Variants in RBFOX1 observed in about 807,000 individuals in gnomAD.
The protein encoded by RBFOX1 is RNA binding protein fox-1 homolog 1.
A neutral mutation model predicts 57.7 loss-of-function variants in RBFOX1; 8 were observed. The observed-to-expected ratio is 0.14, with a 90% CI of 0.08 to 0.25. RBFOX1 has a LOEUF of 0.25. RBFOX1 is among the 10% of genes least tolerant of loss of function. The pLI, the probability that RBFOX1 is intolerant of heterozygous loss-of-function variation, is 1.00. For missense variants in RBFOX1, 611 were observed against 548.5 expected (o/e 1.11, Z -1.14); for synonymous variants, 326 against 222.4 (o/e 1.47, Z -4.15).
intron 4 of RBFOX1, among the ~76,000 whole-genome samples, chr16:5,949,101 C>G (rs73516248): frequency 0.02 from 3,099 of 152,202 alleles, 90 homozygotes; most frequent in African/African-American, 0.07. Flanking sequence ...TCCTCCCCAA[C>G]TACTAGAGTC....
intron 3 of RBFOX1, among the ~76,000 whole-genome samples, chr16:5,618,106 T>A (rs561562093): frequency 5.3e-5 from 8 of 152,308 alleles, no homozygotes; most frequent in Admixed American, 3.9e-4. Flanking sequence ...CAGATCATGA[T>A]GTAAAGTATT....
chr16:6,267,565 T>C (rs186595832), intron 1 of RBFOX1, among the ~76,000 whole-genome samples: 234 of 152,326 alleles, frequency 1.5e-3, no homozygotes, highest in Middle Eastern at 3.4e-3. Context: ...TAGAGTCTTA[T>C]CTGACAGATT....
intron 13 of RBFOX1, among the ~76,000 whole-genome samples, chr16:7,668,167 C>A (rs961099709): frequency 6.6e-5 from 10 of 152,116 alleles, no homozygotes; most frequent in African/African-American, 2.4e-4. Context: ...CCTGCTCTCT[C>A]CCCTCCCCCG....
intron 4 of RBFOX1, among the ~76,000 whole-genome samples, chr16:5,990,093 C>G (rs112650866): frequency 3.9e-5 from 6 of 152,280 alleles, no homozygotes; most frequent in African/African-American, 7.2e-5. Flanking sequence ...TCAAGCAATC[C>G]TTGCTCCTCA....
At chr16:5,413,296 C>G (rs998828967) in intron 1 of RBFOX1, among the ~76,000 whole-genome samples, 13 of 152,168 alleles carry the variant, frequency 8.5e-5, no homozygotes, top group Non-Finnish European at 1.8e-4. Flanking sequence ...CAGAGAGCAC[C>G]ATGGCCCTTT....
chr16:5,550,692 G>A (rs975342777), intron 2 of RBFOX1, among the ~76,000 whole-genome samples: 1 of 152,108 alleles, frequency 6.6e-6, no homozygotes, highest in African/African-American at 2.4e-5. Context: ...AAAGCTCCCT[G>A]TCCCTGTGGC....
intron 4 of RBFOX1, among the ~76,000 whole-genome samples, chr16:7,090,009 G>A (rs930109039): frequency 6.6e-6 from 1 of 151,978 alleles, no homozygotes; most frequent in Non-Finnish European, 1.5e-5. Flanking sequence ...CTGTGAGGTT[G>A]GAGGGGTTTT....
intron 4 of RBFOX1, among the ~76,000 whole-genome samples, chr16:7,195,648 C>T (rs1172530070): frequency 6.6e-6 from 1 of 152,160 alleles, no homozygotes; most frequent in Admixed American, 6.5e-5. Context: ...ACCTCCACCT[C>T]CCAGGTTCAA....
chr16:6,423,645 C>T (rs567296329), intron 2 of RBFOX1, among the ~76,000 whole-genome samples: 1 of 152,136 alleles, frequency 6.6e-6, no homozygotes, highest in South Asian at 2.1e-4. Flanking sequence ...AGTATGTCTT[C>T]CTACACAGGG....
intron 1 of RBFOX1, among the ~76,000 whole-genome samples, chr16:6,256,615 G>C (rs1045499893): frequency 6.6e-6 from 1 of 152,076 alleles, no homozygotes; most frequent in African/African-American, 2.4e-5. Flanking sequence ...TAGGACAGGT[G>C]CTGGCAGTCT....
chr16:5,428,843 C>T (rs2067643411), intron 1 of RBFOX1, among the ~76,000 whole-genome samples: 1 of 152,104 alleles, frequency 6.6e-6, no homozygotes, highest in Admixed American at 6.5e-5. Flanking sequence ...ACCAAGTGCT[C>T]AGGCAGAGGC....
chr16:6,162,783 A>G (rs569749493), intron 1 of RBFOX1, among the ~76,000 whole-genome samples: 2 of 152,142 alleles, frequency 1.3e-5, no homozygotes, highest in South Asian at 4.2e-4. Context: ...ACCCAGGCTA[A>G]ACTGTAGTGA....
rs1169954657 is a variant in RBFOX1, at chr16:5,454,958, CCTTTCTTTCTTTCTTT to C, written c.220-12207_220-12192del. On this transcript the variant is annotated intron_variant, in intron 1 of 2. Coordinates refer to the RBFOX1 transcript ENST00000585867. The stretch of plus-strand genomic sequence containing the variant: ...TCCTTCCTTCCTTCCTTCCTTCCTT[CCTTTCTTTCTTTCTTT>C]CTTTCTTTCTTTCTTTCTTTCTTTC... 7.0e-3 allele frequency among the ~76,000 whole-genome samples: 213 copies of C among 30,338 alleles called. 1 individual carries two copies. The highest frequency in any genetic ancestry group is 7.3e-3 in the Non-Finnish European group (124 of 16,988). 19.9% of individuals were successfully genotyped at this position (30,338 alleles called of 152,430 possible).
At chr16:6,817,439 A>G (rs906478589) in intron 3 of RBFOX1, among the ~76,000 whole-genome samples, 1 of 151,684 alleles carries the variant, frequency 6.6e-6, no homozygotes, top group African/African-American at 2.4e-5. Context: ...CATGCCTGTA[A>G]TCCCAACGCT....
intron 1 of RBFOX1, among the ~76,000 whole-genome samples, chr16:6,189,940 C>A (rs537900740): frequency 2.6e-5 from 4 of 152,146 alleles, no homozygotes; most frequent in African/African-American, 9.7e-5. Context: ...TTTGCCCAGA[C>A]TAATGTCCTG....
chr16:5,723,594 G>C (rs184835688), intron 3 of RBFOX1, among the ~76,000 whole-genome samples: 5 of 152,120 alleles, frequency 3.3e-5, no homozygotes, highest in East Asian at 3.9e-4. Flanking sequence ...GGATTAAACA[G>C]TGGTTGTCTC....
chr16:7,260,150 C>G lies in RBFOX1; in HGVS notation c.27+208052C>G, dbSNP rs141302393. Among the ~76,000 whole-genome samples the G allele has an allele frequency of 1.6e-3, 243 of 152,232 alleles. 1 individual carries two copies. Among genetic ancestry groups the G allele is most frequent in the Non-Finnish European group, 1.9e-3 (126 of 68,022 alleles). ...GGCTTAGAGGAGATAATGAATAACA[C>G]TTTTATACAGAAATCAAACCAAGAC... On this transcript the variant is annotated intron_variant, in intron 4 of 15. Coordinates refer to ENST00000550418, the MANE Select transcript of RBFOX1 (RefSeq NM_018723.4).
chr16:7,675,693 C>T (rs2073068117), intron 13 of RBFOX1, among the ~76,000 whole-genome samples: 1 of 151,858 alleles, frequency 6.6e-6, no homozygotes, highest in African/African-American at 2.4e-5. Flanking sequence ...TGCCATGAAC[C>T]TACCTTTCCC....
chr16:5,691,594 T>C (rs1203704111), intron 3 of RBFOX1, among the ~76,000 whole-genome samples: 2 of 152,206 alleles, frequency 1.3e-5, no homozygotes, highest in East Asian at 1.9e-4. Context: ...ATATTTTGCA[T>C]TATACTTATC....
Sources: gnomAD v4.1 joint callset for allele counts (sites outside exome capture counted in the v4.1 genomes callset) on GRCh38, gnomAD v4.1.1 for gene constraint, MANE v1.5 for transcripts, NCBI Gene and HGNC (gene_info 2026-07-23, HGNC 2026-07-21) for gene names.